The following PFDN4 variants were observed in gnomAD, a reference collection of about 807,000 sequenced individuals.
PFDN4 encodes prefoldin 4.
In PFDN4, 6 loss-of-function variants were observed where a neutral mutation model predicts 17.6. That is an observed-to-expected ratio of 0.34 (90% CI 0.19 to 0.67). PFDN4 has a LOEUF of 0.67. Among genes scored for constraint, PFDN4 ranks in the 30% least tolerant of loss-of-function variants. PFDN4 has a pLI of 0.68. For missense variants in PFDN4, 119 were observed against 158.4 expected, an observed-to-expected ratio of 0.75 and a Z score of 1.33; for synonymous variants, 48 against 51.1, an observed-to-expected ratio of 0.94 and a Z score of 0.26.
chr20:54,210,026 A>G (rs2092753630), intron 1 of PFDN4, among the ~76,000 whole-genome samples: 1 of 152,226 alleles, frequency 6.6e-6, no homozygotes, highest in South Asian at 2.1e-4. Context: ...AGATCAGAGA[A>G]GACTTTCCTG....
At chr20:54,217,194 T>A (rs1278710508) in intron 3 of PFDN4, among the ~76,000 whole-genome samples, 1 of 151,578 alleles carries the variant, frequency 6.6e-6, no homozygotes, top group African/African-American at 2.4e-5. Context: ...GAATCTACAC[T>A]AGTCTGGACA....
chr20:54,210,492 C>T (rs1214545462), intron 1 of PFDN4, among the ~76,000 whole-genome samples: 1 of 152,196 alleles, frequency 6.6e-6, no homozygotes, highest in Non-Finnish European at 1.5e-5. Flanking sequence ...GTTTGTAACA[C>T]ATCGTATCTC....
intron 3 of PFDN4, among the ~76,000 whole-genome samples, chr20:54,216,610 C>A (rs1044237228): frequency 1.3e-5 from 2 of 151,992 alleles, no homozygotes; most frequent in African/African-American, 4.8e-5. Flanking sequence ...AATCCCCTGC[C>A]CCATACACAG....
intron 3 of PFDN4, among the ~76,000 whole-genome samples, chr20:54,215,824 T>C (rs2092761736): frequency 6.6e-6 from 1 of 152,252 alleles, no homozygotes; most frequent in Admixed American, 6.5e-5. Context: ...TTTCCTGTAT[T>C]TCTTTTATGT....
chr20:54,214,432 C>T lies in PFDN4; in HGVS notation c.106C>T (p.Leu36=). The change falls in exon 2 of 4, where the codon CTG becomes TTG. Residue 36 remains leucine (L), a synonymous_variant. Coordinates refer to ENST00000371419, the MANE Select transcript of PFDN4 (RefSeq NM_002623.4). ...FARNTSRITE[L]KEEIEVKKKQ... ...ACGGAATACAAGTAGAATCACAGAG[C>T]TGAAGGAAGAAATAGAAGTAAAAAA... is the stretch of plus-strand genomic sequence containing the variant. 2 of 1,560,276 alleles carry T rather than the reference C, an allele frequency of 1.3e-6. No homozygotes were observed. Among genetic ancestry groups the T allele is most frequent in the Non-Finnish European group, 1.8e-6 (2 of 1,141,550 alleles).
At chr20:54,216,574 A>G (rs934641002) in intron 3 of PFDN4, among the ~76,000 whole-genome samples, 1 of 152,176 alleles carries the variant, frequency 6.6e-6, no homozygotes, top group Admixed American at 6.5e-5. Flanking sequence ...ATTCCCAGAT[A>G]GCTTATGGTT....
In PFDN4 at chr20:54,208,097, C is replaced by A; in HGVS notation, c.-4C>A. On this transcript the variant is annotated 5_prime_UTR_variant, in exon 1 of 4. Coordinates refer to ENST00000371419, the MANE Select transcript of PFDN4 (RefSeq NM_002623.4). The stretch of plus-strand genomic sequence containing the variant: ...CCCGCCGCCTGCGGTAGTCCAGTCC[C>A]AAGATGGCGGCCACCATGAAGAAGG... 1 of 1,554,218 alleles carries A rather than the reference C, an allele frequency of 6.4e-7. No individual in the cohort carries two copies. Among genetic ancestry groups the A allele is most frequent in the Non-Finnish European group, 8.7e-7 (1 of 1,149,502 alleles).
At chr20:54,217,566 A>G (rs946281178) in intron 3 of PFDN4, among the ~76,000 whole-genome samples, 1 of 152,200 alleles carries the variant, frequency 6.6e-6, no homozygotes, top group African/African-American at 2.4e-5. Context: ...AGATGAGTGA[A>G]TCTGCGTGGC....
chr20:54,218,944 C>G lies in PFDN4; in HGVS notation c.274-75C>G, dbSNP rs144946955. The G allele has an allele frequency of 7.5e-4, 750 of 1,004,878 alleles. 7 individuals are homozygous for G. In the African/African-American group the frequency reaches 0.012, roughly 16 times the overall value. 62.2% of individuals were successfully genotyped at this position (1,004,878 alleles called of 1,614,324 possible). ...AAGGTTCTTGACCTAAAATTCTTCC[C>G]AAATATTATTTCAGACACAGATGCT... On this transcript the variant is annotated intron_variant, in intron 3 of 3. Transcript: ENST00000371419.
intron 1 of PFDN4, 119 bp downstream of exon 1, chr20:54,208,243 A>T: frequency 1.1e-6 from 1 of 927,094 alleles, no homozygotes; most frequent in South Asian, 1.9e-5. Context: ...CCCGAGGCCG[A>T]GGCCGAGGCC....
chr20:54,211,221 G>C (rs1402228970), intron 1 of PFDN4, among the ~76,000 whole-genome samples: 2 of 152,236 alleles, frequency 1.3e-5, no homozygotes, highest in African/African-American at 4.8e-5. Flanking sequence ...GGACCCAGCT[G>C]TCAGTGCAGA....
chr20:54,210,161 A>G (rs1490519214), intron 1 of PFDN4, among the ~76,000 whole-genome samples: 2 of 152,230 alleles, frequency 1.3e-5, no homozygotes, highest in Non-Finnish European at 2.9e-5. Context: ...AATACAAGGA[A>G]GGCCCGATGG....
chr20:54,215,566 G>T, intron 3 of PFDN4, 126 bp downstream of exon 3: 1 of 584,158 alleles, frequency 1.7e-6, no homozygotes. Flanking sequence ...TCCCAGGCAT[G>T]CTCCGAATGC....
chr20:54,214,213 A>G, intron 1 of PFDN4, 138 bp from the exon 2 acceptor site: 1 of 567,616 alleles, frequency 1.8e-6, no homozygotes, highest in Non-Finnish European at 3.1e-6. Flanking sequence ...AAAATAAGGC[A>G]TTTGTTATGT....
intron 2 of PFDN4, 115 bp downstream of exon 2, chr20:54,214,573 C>T (rs1358258507): frequency 1.8e-5 from 10 of 565,966 alleles, no homozygotes; most frequent in South Asian, 2.6e-5. Context: ...AGATGAATGA[C>T]GCGATCCACT....
At chr20:54,208,149 G>C in intron 1 of PFDN4, 25 bp downstream of exon 1, 1 of 1,535,324 alleles carries the variant, frequency 6.5e-7, no homozygotes, top group South Asian at 1.2e-5. Context: ...CGGGGCTCTG[G>C]ATGCTCGGGC....
At chr20:54,217,450 T>C (rs1404882494) in intron 3 of PFDN4, among the ~76,000 whole-genome samples, 4 of 152,084 alleles carry the variant, frequency 2.6e-5, no homozygotes, top group Admixed American at 6.5e-5. Flanking sequence ...TTGAAGAAAT[T>C]GTACTTTGTC....
rs1450002842 is a variant in PFDN4, at chr20:54,219,588, A to G, written c.*438A>G. 2 of 393,516 alleles carry G rather than the reference A, an allele frequency of 5.1e-6. No individual in the cohort carries two copies. The highest frequency in any genetic ancestry group is 8.9e-6 in the Non-Finnish European group (2 of 223,740). 24.4% of individuals were successfully genotyped at this position (393,516 alleles called of 1,614,324 possible). ...CTTATTTCACAACTAAAGCTTTGTC[A>G]TAGACTTCAAAATATATATGTATAT... On this transcript the variant is annotated 3_prime_UTR_variant, in exon 4 of 4. Coordinates refer to ENST00000371419, the MANE Select transcript of PFDN4 (RefSeq NM_002623.4).
intron 1 of PFDN4, chr20:54,208,819 C>T (rs906818461): frequency 6.6e-6 from 1 of 152,234 alleles, no homozygotes; most frequent in Non-Finnish European, 1.5e-5. Flanking sequence ...GCAATGGGTT[C>T]CTCTCCACTT....
Sources: allele counts gnomAD v4.1 joint callset (sites outside exome capture counted in the v4.1 genomes callset), GRCh38; gene constraint gnomAD v4.1.1; transcripts MANE v1.5; gene names NCBI Gene and HGNC (gene_info 2026-07-23, HGNC 2026-07-21).